Variants in SERTAD2 observed in about 807,000 individuals in gnomAD.
SERTAD2 encodes SERTA domain containing 2.
In SERTAD2, 2 loss-of-function variants were observed where a neutral mutation model predicts 15.4. The ratio of observed to expected loss-of-function variants is 0.13; its 90% CI spans 0.05 to 0.41. The LOEUF is 0.41. SERTAD2 is among the 10% of genes least tolerant of loss of function. SERTAD2 has a pLI of 0.99. For synonymous variants in SERTAD2, 180 were observed against 178.0 expected (o/e 1.01, Z -0.09); for missense variants, 333 against 409.7 (o/e 0.81, Z 1.62).
chr2:64,649,597 G>A (rs1674970276), intron 1 of SERTAD2, among the ~76,000 whole-genome samples: 1 of 152,148 alleles, frequency 6.6e-6, no homozygotes, highest in Non-Finnish European at 1.5e-5. Flanking sequence ...AAGGAAAAAA[G>A]CTTAGAATTA....
chr2:64,634,157 A>G lies in SERTAD2; in HGVS notation c.*1770T>C, dbSNP rs1167342138. 1.3e-5 allele frequency: 2 copies of G among 152,216 alleles called. No individual in the cohort carries two copies. The highest frequency in any genetic ancestry group is 2.9e-5 in the Non-Finnish European group (2 of 68,036). The allele number at this position is 152,216 out of a possible 1,614,324, so 9.4% of individuals were successfully genotyped here. A position where few individuals can be genotyped will look rare whatever the true frequency, so the allele number is the denominator to read the frequency against. On this transcript the variant is annotated 3_prime_UTR_variant, in exon 2 of 2. Transcript: ENST00000313349. ...CCCATAATTTAAAAATTTTTAAATA[A>G]ATATAAAAGTTATTCCTAAAGAAGC...
chr2:64,644,973 G>A (rs958135255), intron 1 of SERTAD2: 3 of 151,606 alleles, frequency 2.0e-5, no homozygotes, highest in African/African-American at 7.3e-5. Context: ...GGGTAAGTAA[G>A]GATGCCCAAA....
intron 1 of SERTAD2, among the ~76,000 whole-genome samples, chr2:64,645,435 C>A (rs1352741786): frequency 6.6e-6 from 1 of 151,930 alleles, no homozygotes; most frequent in Non-Finnish European, 1.5e-5. Context: ...AACAGGAAGT[C>A]AAGCCCCAAG....
rs1200402788 is a variant in SERTAD2 at position 64,635,198 on chromosome 2, C to G, written c.*729G>C. On this transcript the variant is annotated 3_prime_UTR_variant, in exon 2 of 2. Transcript: ENST00000313349. Reference sequence around the variant, plus strand: ...CTGCAGATTGATTTGATCCAATTTTCTCTTGCACCATACACATATAAAACA... The same window carrying G: ...CTGCAGATTGATTTGATCCAATTTTGTCTTGCACCATACACATATAAAACA... 1 of 152,628 alleles carries G rather than the reference C, an allele frequency of 6.6e-6. No individual in the cohort carries two copies. The allele number at this position is 152,628 out of a possible 1,614,324, so 9.5% of individuals were successfully genotyped here.
At chr2:64,644,136 CT>C (rs1674844312) in intron 1 of SERTAD2, among the ~76,000 whole-genome samples, 1 of 152,220 alleles carries the variant, frequency 6.6e-6, no homozygotes, top group Non-Finnish European at 1.5e-5. Context: ...TTCCCTTCCC[CT>C]GACATACTGT....
At chr2:64,644,487 G>A (rs1286568815) in intron 1 of SERTAD2, 1 of 152,270 alleles carries the variant, frequency 6.6e-6, no homozygotes, top group Non-Finnish European at 1.5e-5. Context: ...CCTGCCTCCA[G>A]GCTGCTGTCG....
Position 64,636,110 on chromosome 2 carries a change from G to A in SERTAD2, c.762C>T (p.Ser254=), listed in dbSNP as rs141485646. 9.6e-3 allele frequency: 15,479 copies of A among 1,614,134 alleles called. 98 individuals are homozygous for A. The highest frequency in any genetic ancestry group is 0.013 in the Middle Eastern group (79 of 6,062). ...DDILFADIDT[S]MYDFDPCTSS... ...AAGTGCAGGGGTCAAAATCATACAT[G>A]GACGTATCAATGTCAGCAAACAGGA... The change falls in exon 2 of 2, where the codon TCC becomes TCT. Residue 254 remains serine, a synonymous_variant. Transcript: ENST00000313349.
intron 1 of SERTAD2, among the ~76,000 whole-genome samples, chr2:64,649,617 T>A (rs967892633): frequency 2.6e-5 from 4 of 152,208 alleles, no homozygotes; most frequent in African/African-American, 9.6e-5. Context: ...AATTAGTAAC[T>A]CTGCAAAGCT....
chr2:64,636,437 G>A lies in SERTAD2; in HGVS notation c.435C>T (p.Thr145=). The part of the protein sequence containing the change: ...LLEDDDDTFC[T]SQAMQPTAPT... ...GAGCCGTGGGCTGCATGGCCTGGGA[G>A]GTGCAAAACGTGTCATCGTCGTCCT... The change falls in exon 2 of 2, where the codon ACC becomes ACT. Residue 145 remains threonine (T), a synonymous_variant. Transcript: ENST00000313349. The A allele has an allele frequency of 6.2e-7, 1 of 1,614,216 alleles. No individual in the cohort carries two copies. The highest frequency in any genetic ancestry group is 8.5e-7 in the Non-Finnish European group (1 of 1,180,048).
chr2:64,645,392 G>GA (rs11405113), intron 1 of SERTAD2, among the ~76,000 whole-genome samples: 121,046 of 149,696 alleles, frequency 0.81, 48,740 homozygotes, highest in East Asian at 0.92. Flanking sequence ...AGAAGAAGAA[G>GA]AAAAAAAAAG....
In SERTAD2 at chr2:64,636,882, A is replaced by G. The variant is rs201624261; in HGVS notation, c.-4-7T>C. 14 of 1,573,556 alleles carry G rather than the reference A, an allele frequency of 8.9e-6. No individual in the cohort carries two copies. The East Asian group carries it at 3.1e-4, about 35-fold the overall frequency. On this transcript the variant is annotated splice_region_variant and splice_polypyrimidine_tract_variant and intron_variant, in intron 1 of 1. Coordinates refer to ENST00000313349, the MANE Select transcript of SERTAD2 (RefSeq NM_014755.3). ...TCCTTTACCCAACATATATCTGCAG[A>G]GGGGAGAGAGAGGAAATGGCATTAA... is the stretch of plus-strand genomic sequence containing the variant.
At chr2:64,637,303 G>C (rs555486503) in intron 1 of SERTAD2, among the ~76,000 whole-genome samples, 63 of 152,314 alleles carry the variant, frequency 4.1e-4, no homozygotes, top group Admixed American at 6.5e-4. Context: ...GACCTAAACA[G>C]ATACAGGTGT....
chr2:64,641,822 T>C (rs1021093239), intron 1 of SERTAD2, among the ~76,000 whole-genome samples: 15 of 152,214 alleles, frequency 9.9e-5, no homozygotes, highest in African/African-American at 3.6e-4. Flanking sequence ...GAAGCTCTTC[T>C]GTGAGCGGCT....
At chr2:64,652,278 G>A (rs1349740947) in intron 1 of SERTAD2, among the ~76,000 whole-genome samples, 2 of 152,084 alleles carry the variant, frequency 1.3e-5, no homozygotes, top group Non-Finnish European at 2.9e-5. Context: ...ATAAAAAGGG[G>A]GAGGGATGGG....
Position 64,636,273 on chromosome 2 carries a change from G to C in SERTAD2, c.599C>G (p.Ser200Cys), listed in dbSNP as rs1375171197. 4 of 1,614,096 alleles carry C rather than the reference G, an allele frequency of 2.5e-6. No individual in the cohort carries two copies. The highest frequency in any genetic ancestry group is 1.6e-4 in the Middle Eastern group (1 of 6,084). Reference protein sequence around the residue: ...TAATDSVKGTSSEAGTQKLDG... With the variant: ...TAATDSVKGTCSEAGTQKLDG... The stretch of plus-strand genomic sequence containing the variant: ...GAGTTTCTGGGTGCCAGCCTCGCTG[G>C]AGGTCCCTTTCACACTGTCAGTCGC... The change falls in exon 2 of 2, where the codon TCC (serine) becomes TGC (cysteine). Residue 200 changes from serine to cysteine, a missense_variant. Ser to Cys is a moderately radical substitution (Grantham distance 112, BLOSUM62 -1). Coordinates refer to ENST00000313349, the MANE Select transcript of SERTAD2 (RefSeq NM_014755.3).
intron 1 of SERTAD2, chr2:64,645,039 TAA>T (rs10578583): frequency 0.82 from 120,276 of 146,964 alleles, 50,035 homozygotes; most frequent in East Asian, 0.91. Context: ...CGGGATGCTT[TAA>T]AAAAAAAAAA....
rs1460940262 is a variant in SERTAD2, at chr2:64,635,706, GTA to G, written c.*219_*220del. On this transcript the variant is annotated 3_prime_UTR_variant, in exon 2 of 2. Coordinates refer to ENST00000313349, the MANE Select transcript of SERTAD2 (RefSeq NM_014755.3). ...ATGGATTCTTTCCTATACCAGGGTA[GTA>G]GGTCTCTGAGGAACCACTCAAAAAA... The G allele has an allele frequency of 5.4e-5, 27 of 500,810 alleles. No individual in the cohort carries two copies. Among genetic ancestry groups the G allele is most frequent in the Non-Finnish European group, 9.3e-5 (26 of 280,870 alleles). The allele number at this position is 500,810 out of a possible 1,614,324, so 31.0% of individuals were successfully genotyped here.
rs146618712 is a variant in SERTAD2, at chr2:64,634,763, G to A, written c.*1164C>T. ...TCCATGAAGAAGTTGGTTGCTTTTC[G>A]GATGTAAAATTTTGTTCGGATGTAA... On this transcript the variant is annotated 3_prime_UTR_variant, in exon 2 of 2. Transcript: ENST00000313349. 6.6e-5 allele frequency: 10 copies of A among 152,202 alleles called. No homozygotes were observed. The highest frequency in any genetic ancestry group is 1.9e-4 in the East Asian group (1 of 5,184). The allele number at this position is 152,202 out of a possible 1,614,324, so 9.4% of individuals were successfully genotyped here.
intron 1 of SERTAD2, among the ~76,000 whole-genome samples, 169 bp downstream of exon 1, chr2:64,653,451 G>A (rs1345734377): frequency 6.6e-6 from 1 of 151,648 alleles, no homozygotes; most frequent in Non-Finnish European, 1.5e-5. Context: ...GGGAGGGAGC[G>A]CTCCTCCCGT....
Sources: gnomAD v4.1 joint callset for allele counts (sites outside exome capture counted in the v4.1 genomes callset) on GRCh38, gnomAD v4.1.1 for gene constraint, MANE v1.5 for transcripts, NCBI Gene and HGNC (gene_info 2026-07-23, HGNC 2026-07-21) for gene names.